The following MOK variants were observed in gnomAD, a reference collection of about 807,000 sequenced individuals.
MOK encodes MOK protein kinase, also known as MAPK/MAK/MRK overlapping kinase.
MOK carries 59 observed loss-of-function variants against 54.2 expected under a neutral mutation model. The observed-to-expected ratio is 1.09, with a 90% CI of 0.88 to 1.35. The LOEUF (loss-of-function observed/expected upper bound fraction) is 1.35. MOK is among the 40% of genes most tolerant of loss of function. The pLI is 0.00. For missense variants in MOK, 517 were observed against 526.2 expected, an observed-to-expected ratio of 0.98 and a Z score of 0.17; for synonymous variants, 210 against 202.7, an observed-to-expected ratio of 1.04 and a Z score of -0.31.
chr14:102,293,943 CAT>C (rs2071089010), intron 1 of MOK, among the ~76,000 whole-genome samples: 1 of 152,010 alleles, frequency 6.6e-6, no homozygotes, highest in South Asian at 2.1e-4. Context: ...CCACGAAAAA[CAT>C]GAACTTAAAA....
At chr14:102,280,110 C>T (rs1212666416) in intron 2 of MOK, among the ~76,000 whole-genome samples, 3 of 151,986 alleles carry the variant, frequency 2.0e-5, no homozygotes, top group South Asian at 2.1e-4. Context: ...GGTTACCTAA[C>T]GGACATGGTT....
chr14:102,234,693 G>A (rs568322265), intron 7 of MOK, among the ~76,000 whole-genome samples: 184 of 152,050 alleles, frequency 1.2e-3, no homozygotes, highest in Non-Finnish European at 2.3e-3. Context: ...CTTGGCCTCC[G>A]TTCAGAAATC....
chr14:102,296,348 A>T (rs1323288229), intron 1 of MOK, among the ~76,000 whole-genome samples: 1 of 152,144 alleles, frequency 6.6e-6, no homozygotes, highest in African/African-American at 2.4e-5. Context: ...AACATATTTA[A>T]TGTAATCCCA....
the MOK span, among the ~76,000 whole-genome samples, chr14:102,217,942 G>T: frequency 6.6e-6 from 1 of 152,212 alleles, no homozygotes; most frequent in Admixed American, 6.5e-5. Context: ...ACAGAGGCCA[G>T]CATTGGAGCC....
At chr14:102,227,944 CA>C (rs1034461892), downstream of MOK, among the ~76,000 whole-genome samples, 2 of 152,128 alleles carry the variant, frequency 1.3e-5, no homozygotes, top group Admixed American at 1.3e-4. Context: ...TAGCCTTTTT[CA>C]AAAATATCTC....
chr14:102,303,917 G>A (rs2072505321), intron 1 of MOK, among the ~76,000 whole-genome samples: 1 of 152,144 alleles, frequency 6.6e-6, no homozygotes, highest in Non-Finnish European at 1.5e-5. Flanking sequence ...AAAACAAACA[G>A]ATGGGAAGAA....
intron 1 of MOK, among the ~76,000 whole-genome samples, chr14:102,289,617 G>A (rs1163149562): frequency 6.6e-6 from 1 of 152,174 alleles, no homozygotes; most frequent in Non-Finnish European, 1.5e-5. Flanking sequence ...AGCCTCCCAA[G>A]TAGCTGGGAT....
the MOK span, among the ~76,000 whole-genome samples, chr14:102,217,688 C>T: frequency 6.6e-6 from 1 of 152,234 alleles, no homozygotes; most frequent in Non-Finnish European, 1.5e-5. Flanking sequence ...GTGAATAAAC[C>T]ATGGCTGCTT....
chr14:102,224,242 A>G (rs550405729), downstream of MOK, among the ~76,000 whole-genome samples: 10 of 151,920 alleles, frequency 6.6e-5, no homozygotes, highest in South Asian at 2.1e-4. Flanking sequence ...GGGTTTCACC[A>G]TGTTAGCCAG....
At chr14:102,266,024 G>A in intron 2 of MOK, 112 bp from the exon 3 acceptor site, 2 of 757,370 alleles carry the variant, frequency 2.6e-6, no homozygotes, top group African/African-American at 1.7e-5. Context: ...TTTCAAGCAA[G>A]TTAATCAGGT....
intron 1 of MOK, among the ~76,000 whole-genome samples, chr14:102,297,671 C>G (rs1035362652): frequency 6.6e-6 from 1 of 152,150 alleles, no homozygotes; most frequent in Admixed American, 6.5e-5. Flanking sequence ...GAAGAGGCAC[C>G]GCGAGGTGTG....
chr14:102,256,444 G>C (rs1215386700), intron 4 of MOK, among the ~76,000 whole-genome samples: 1 of 151,638 alleles, frequency 6.6e-6, no homozygotes, highest in Admixed American at 6.6e-5. Flanking sequence ...AGTGGTGGCG[G>C]GTGTCTGTAG....
chr14:102,222,747 T>G, downstream of MOK: 9 of 1,492,066 alleles, frequency 6.0e-6, no homozygotes, highest in Non-Finnish European at 8.4e-6. This position sits in a 1 kb window ranked among gnomAD's most constrained non-coding sequence, Gnocchi z 4.4. Context: ...TTTGACCACG[T>G]GGAGCTGCTG....
rs917929819 is a variant in MOK, at chr14:102,305,105, G to A, written c.-137C>T. ...ATCTCCGTGGTGGTCCCTCGAAGGA[G>A]AGCGTTAGAGATCCCGCCGCCATGT... On this transcript the variant is annotated 5_prime_UTR_variant, in exon 1 of 12. Transcript: ENST00000361847. 7 of 1,015,390 alleles carry A rather than the reference G, an allele frequency of 6.9e-6. No individual in the cohort carries two copies. The highest frequency in any genetic ancestry group is 2.1e-5 in the Admixed American group (1 of 48,638). The allele number at this position is 1,015,390 out of a possible 1,614,324, so 62.9% of individuals were successfully genotyped here.
In MOK at chr14:102,231,630, G is replaced by T; in HGVS notation, c.981+77C>A. 2 of 1,330,518 alleles carry T rather than the reference G, an allele frequency of 1.5e-6. No homozygotes were observed. Among genetic ancestry groups the T allele is most frequent in the African/African-American group, 1.4e-5 (1 of 69,282 alleles). 82.4% of individuals were successfully genotyped at this position (1,330,518 alleles called of 1,614,324 possible). On this transcript the variant is annotated intron_variant, in intron 10 of 11. Coordinates refer to ENST00000361847, the MANE Select transcript of MOK (RefSeq NM_014226.3). The surrounding 1 kb of genome is among the most constrained non-coding windows in gnomAD (Gnocchi z 4.4). ...CAGCCTCCACAGGTGGCGTCCTCCTGAGAGAGACACAGGCCACCCGAGGGC... is the reference window on the plus strand; with the variant it reads ...CAGCCTCCACAGGTGGCGTCCTCCTTAGAGAGACACAGGCCACCCGAGGGC...
chr14:102,245,436 C>T lies in MOK; in HGVS notation c.590+5376G>A, dbSNP rs777167443. Among the ~76,000 whole-genome samples, 174 of 152,074 alleles carry T rather than the reference C, an allele frequency of 1.1e-3. 2 individuals carry two copies. The highest frequency in any genetic ancestry group is 2.9e-4 in the Non-Finnish European group (20 of 68,022). ...CTCTAAGCCCAAGCCTGCACATATA[C>T]ATCCAGATGGCCTGAAGCAAGTGAA... On this transcript the variant is annotated intron_variant, in intron 7 of 11. Transcript: ENST00000361847. This position sits in a 1 kb window ranked among gnomAD's most constrained non-coding sequence, Gnocchi z 4.3.
In MOK at chr14:102,229,058, A is replaced by C; in HGVS notation, c.*231T>G. On this transcript the variant is annotated 3_prime_UTR_variant, in exon 12 of 12. Coordinates refer to ENST00000361847, the MANE Select transcript of MOK (RefSeq NM_014226.3). ...GCCCCAAATTCTTAACGAAAATGAAAGAAAACCCTAGAATGCGGTGGTTTT... is the reference window on the plus strand; with the variant it reads ...GCCCCAAATTCTTAACGAAAATGAACGAAAACCCTAGAATGCGGTGGTTTT... 2.0e-6 allele frequency: 1 copy of C among 501,158 alleles called. No individual in the cohort carries two copies. The highest frequency in any genetic ancestry group is 3.5e-6 in the Non-Finnish European group (1 of 287,930). The allele number at this position is 501,158 out of a possible 1,614,324, so 31.0% of individuals were successfully genotyped here.
At chr14:102,222,870 G>T (rs767184163), downstream of MOK, 1 of 1,614,104 alleles carries the variant, frequency 6.2e-7, no homozygotes, top group Non-Finnish European at 8.5e-7. This position sits in a 1 kb window ranked among gnomAD's most constrained non-coding sequence, Gnocchi z 4.4. Flanking sequence ...TCTCCAGGTG[G>T]AACTGTAGTG....
At chr14:102,268,770 G>A (rs1322707541) in intron 2 of MOK, among the ~76,000 whole-genome samples, 1 of 152,008 alleles carries the variant, frequency 6.6e-6, no homozygotes, top group African/African-American at 2.4e-5. Flanking sequence ...CAAAAAATTA[G>A]CCGGGATGGT....
Sources: allele counts gnomAD v4.1 joint callset (sites outside exome capture counted in the v4.1 genomes callset), GRCh38; gene constraint gnomAD v4.1.1; non-coding constraint Gnocchi (gnomAD v3.1); transcripts MANE v1.5; gene names NCBI Gene and HGNC (gene_info 2026-07-23, HGNC 2026-07-21).